The following COL5A2 variants were observed in gnomAD, a reference collection of about 807,000 sequenced individuals.
The protein encoded by COL5A2 is collagen alpha-2(V) chain.
In COL5A2, 23 loss-of-function variants were observed where a neutral mutation model predicts 208.2. The observed-to-expected ratio is 0.11, with a 90% CI of 0.08 to 0.16. The LOEUF (loss-of-function observed/expected upper bound fraction) is 0.16, where lower values mean the gene tolerates loss of function less well. Among genes scored for constraint, COL5A2 ranks in the 10% least tolerant of loss-of-function variants. COL5A2 has a pLI of 1.00. For synonymous variants in COL5A2, 625 were observed against 628.5 expected, an observed-to-expected ratio of 0.99 and a Z score of 0.08; for missense variants, 1,590 against 1,956.4, an observed-to-expected ratio of 0.81 and a Z score of 3.53.
intron 1 of COL5A2, among the ~76,000 whole-genome samples, chr2:189,191,176 A>AAC (rs1491005475): frequency 2.0e-5 from 3 of 148,896 alleles, no homozygotes; most frequent in Non-Finnish European, 3.0e-5. Flanking sequence ...ACAACAAAAA[A>AAC]CAACAACAAA....
chr2:189,053,285 AT>A lies in COL5A2; in HGVS notation c.2553+138del, dbSNP rs1362572730. On this transcript the variant is annotated intron_variant, in intron 38 of 53. Coordinates refer to ENST00000374866, the MANE Select transcript of COL5A2 (RefSeq NM_000393.5). ...AAGTTTTGTGCCAGTCTATAAAAAA[AT>A]GTATTGAAAATGAGAATATTGTCTA... The A allele has an allele frequency of 3.0e-4, 245 of 825,804 alleles. 2 individuals are homozygous for A. Among genetic ancestry groups the A allele is most frequent in the South Asian group, 2.8e-3 (175 of 62,544 alleles). The allele number at this position is 825,804 out of a possible 1,614,324, so 51.2% of individuals were successfully genotyped here.
chr2:189,034,181 T>G lies in COL5A2; in HGVS notation c.4389A>C (p.Glu1463Asp). ...RNGNVGKTVF[E>D]YRTQNVARLP... ...AGCGTGCCACATTCTGTGTTCTATATTCAAAGACAGTCTTGCCCACATTTC... is the reference window on the plus strand; with the variant it reads ...AGCGTGCCACATTCTGTGTTCTATAGTCAAAGACAGTCTTGCCCACATTTC... Residue 1463 changes from glutamate (E) to aspartate (D), a missense_variant, in exon 54 of 54, where the codon GAA (glutamate) becomes GAC (aspartate). Glu to Asp is a conservative substitution (Grantham distance 45). Coordinates refer to ENST00000374866, the MANE Select transcript of COL5A2 (RefSeq NM_000393.5). 1 of 1,614,016 alleles carries G rather than the reference T, an allele frequency of 6.2e-7. No individual in the cohort carries two copies. Among genetic ancestry groups the G allele is most frequent in the Non-Finnish European group, 8.5e-7 (1 of 1,179,934 alleles).
chr2:189,052,884 A>C (rs1685820977), intron 39 of COL5A2, 27 bp downstream of exon 39: 2 of 1,612,454 alleles, frequency 1.2e-6, no homozygotes, highest in Non-Finnish European at 8.5e-7. Context: ...ACTTGACTCA[A>C]GTTATGCCTT....
Position 189,057,421 on chromosome 2 carries a change from G to C in COL5A2, c.2236C>G (p.Pro746Ala). Residue 746 changes from proline (P) to alanine (A), a missense_variant, in exon 34 of 54, where the codon CCA (proline) becomes GCA (alanine). Physicochemically the swap from Pro to Ala is conservative, Grantham distance 27 (BLOSUM62 -1). Coordinates refer to ENST00000374866, the MANE Select transcript of COL5A2 (RefSeq NM_000393.5). Reference sequence around the variant, plus strand: ...TCTCCAGGGGTCCCAGATGGACCTGGACTGCCCTAAAATGAACCAACATTA... The same window carrying C: ...TCTCCAGGGGTCCCAGATGGACCTGCACTGCCCTAAAATGAACCAACATTA... ...GHGPDGPKGS[P>A]GPSGTPGDTG... is the part of the protein sequence containing the mutation. 1 of 1,610,948 alleles carries C rather than the reference G, an allele frequency of 6.2e-7. No individual in the cohort carries two copies. Among genetic ancestry groups the C allele is most frequent in the Non-Finnish European group, 8.5e-7 (1 of 1,177,296 alleles).
the COL5A2 span, among the ~76,000 whole-genome samples, chr2:189,320,857 A>AT: frequency 6.6e-6 from 1 of 152,348 alleles, no homozygotes; most frequent in South Asian, 2.1e-4. Flanking sequence ...TCCAAGACAC[A>AT]TAATTGTCAG....
chr2:189,424,481 G>A, the COL5A2 span, among the ~76,000 whole-genome samples: 2 of 152,076 alleles, frequency 1.3e-5, no homozygotes, highest in Admixed American at 1.3e-4. Context: ...ATTCAGTAAA[G>A]ATGCAGGATA....
At chr2:189,373,262 G>A in the COL5A2 span, among the ~76,000 whole-genome samples, 15 of 151,970 alleles carry the variant, frequency 9.9e-5, no homozygotes, top group Non-Finnish European at 2.1e-4. Context: ...ATATTAGAGT[G>A]GTATTACAGT....
At chr2:189,396,681 A>C in the COL5A2 span, among the ~76,000 whole-genome samples, 2 of 147,244 alleles carry the variant, frequency 1.4e-5, no homozygotes, top group Non-Finnish European at 3.0e-5. Flanking sequence ...TAAAAAAAAA[A>C]AAAAAAAAAA....
chr2:189,209,083 G>C (rs1689177038), intron 1 of COL5A2, among the ~76,000 whole-genome samples: 1 of 152,096 alleles, frequency 6.6e-6, no homozygotes, highest in African/African-American at 2.4e-5. Context: ...TCTACTTTCT[G>C]AAAACTTCAG....
Position 189,068,840 on chromosome 2 carries a change from C to A in COL5A2, c.1203G>T (p.Gln401His). Residue 401 changes from glutamine to histidine, a missense_variant, in exon 19 of 54, where the codon CAG (glutamine) becomes CAT (histidine). Physicochemically the swap from Gln to His is conservative, Grantham distance 24. Coordinates refer to ENST00000374866, the MANE Select transcript of COL5A2 (RefSeq NM_000393.5). ...GGGGCCCAGTTTCACCTCTCTGCCCCTGAGGACCTTCAGGGCCTCGCGCCC... is the reference window on the plus strand; with the variant it reads ...GGGGCCCAGTTTCACCTCTCTGCCCATGAGGACCTTCAGGGCCTCGCGCCC... ...PTGARGPEGP[Q>H]GQRGETGPPG... 2 of 1,613,350 alleles carry A rather than the reference C, an allele frequency of 1.2e-6. No homozygotes were observed. Among genetic ancestry groups the A allele is most frequent in the Non-Finnish European group, 1.7e-6 (2 of 1,179,918 alleles).
At position 189,073,524 on chromosome 2, in the gene COL5A2, G is replaced by T. The variant is rs551928925; in HGVS notation, c.1105-1431C>A. Among the ~76,000 whole-genome samples the T allele has an allele frequency of 8.6e-5, 13 of 151,810 alleles. No homozygotes were observed. In the East Asian group the frequency reaches 2.5e-3, roughly 29 times the overall value. On this transcript the variant is annotated intron_variant, in intron 17 of 53. Transcript: ENST00000374866. ...TACCTCTAGAGATTACATTTAAATTGGATTGGACATCAATATTTTTAAGTT... is the reference window on the plus strand; with the variant it reads ...TACCTCTAGAGATTACATTTAAATTTGATTGGACATCAATATTTTTAAGTT...
intron 3 of COL5A2, among the ~76,000 whole-genome samples, chr2:189,100,918 T>C (rs184725947): frequency 6.6e-6 from 1 of 152,196 alleles, no homozygotes; most frequent in African/African-American, 2.4e-5. Context: ...CATTGCATGA[T>C]ATCAGGTACA....
Position 189,146,382 on chromosome 2 carries a change from A to G in COL5A2, c.97+33126T>C, listed in dbSNP as rs565054438. ...CATTGGATAAAGTATAAATAAGGTG[A>G]ATTTATATTGTAATCCCATCATAGA... is the stretch of plus-strand genomic sequence containing the variant. On this transcript the variant is annotated intron_variant, in intron 1 of 53. Transcript: ENST00000374866. Among the ~76,000 whole-genome samples the G allele has an allele frequency of 8.5e-5, 13 of 152,246 alleles. No individual in the cohort carries two copies. The South Asian group carries it at 2.7e-3, about 32-fold the overall frequency.
At chr2:189,107,218 C>T (rs1487998539) in intron 2 of COL5A2, among the ~76,000 whole-genome samples, 2 of 151,690 alleles carry the variant, frequency 1.3e-5, no homozygotes, top group East Asian at 3.9e-4. Flanking sequence ...CTTTGGGAAT[C>T]TAGCTGCTTT....
At chr2:189,266,915 T>C in the COL5A2 span, among the ~76,000 whole-genome samples, 2 of 151,834 alleles carry the variant, frequency 1.3e-5, no homozygotes, top group Admixed American at 6.6e-5. Context: ...CAAAAATTCT[T>C]GGACAGTTAA....
intron 51 of COL5A2, among the ~76,000 whole-genome samples, chr2:189,037,025 C>T (rs1470757825): frequency 6.6e-6 from 1 of 151,986 alleles, no homozygotes; most frequent in Non-Finnish European, 1.5e-5. Flanking sequence ...ACTTAAGGCT[C>T]AAAACATCCA....
At chr2:189,240,687 C>T in the COL5A2 span, among the ~76,000 whole-genome samples, 1 of 152,142 alleles carries the variant, frequency 6.6e-6, no homozygotes, top group African/African-American at 2.4e-5. Flanking sequence ...ATGTTTTTCA[C>T]CAGTCCTATT....
At chr2:189,387,077 A>G in the COL5A2 span, among the ~76,000 whole-genome samples, 1 of 152,164 alleles carries the variant, frequency 6.6e-6, no homozygotes, top group Non-Finnish European at 1.5e-5. Flanking sequence ...GTGCCCATCA[A>G]TGGTGGACTG....
At chr2:189,313,515 A>C in the COL5A2 span, among the ~76,000 whole-genome samples, 1 of 152,182 alleles carries the variant, frequency 6.6e-6, no homozygotes, top group African/African-American at 2.4e-5. Context: ...CCAGTGACAC[A>C]ATAAAGCAAC....
Sources: allele counts gnomAD v4.1 joint callset (sites outside exome capture counted in the v4.1 genomes callset), GRCh38; gene constraint gnomAD v4.1.1; transcripts MANE v1.5; gene names NCBI Gene and HGNC (gene_info 2026-07-23, HGNC 2026-07-21).